Variants in ZNF385D observed in about 807,000 individuals in gnomAD.
ZNF385D encodes zinc finger protein 385D.
ZNF385D carries 15 observed loss-of-function variants against 35.8 expected under a neutral mutation model. The observed-to-expected ratio is 0.42, with a 90% CI of 0.28 to 0.64. The LOEUF (loss-of-function observed/expected upper bound fraction) is 0.64, where lower values mean the gene tolerates loss of function less well. Among genes scored for constraint, ZNF385D ranks in the 30% least tolerant of loss-of-function variants. The pLI is 0.23. For missense variants in ZNF385D, 474 were observed against 494.6 expected, an observed-to-expected ratio of 0.96 and a Z score of 0.39; for synonymous variants, 212 against 186.8, an observed-to-expected ratio of 1.13 and a Z score of -1.10.
intron 3 of ZNF385D, among the ~76,000 whole-genome samples, chr3:22,161,836 T>C (rs570806737): frequency 3.3e-5 from 5 of 152,264 alleles, no homozygotes; most frequent in African/African-American, 7.2e-5. Flanking sequence ...CATAAGAAAA[T>C]ACCCAAATGT....
At chr3:22,115,001 G>A (rs942071131) in intron 3 of ZNF385D, among the ~76,000 whole-genome samples, 4 of 152,058 alleles carry the variant, frequency 2.6e-5, no homozygotes, top group Non-Finnish European at 5.9e-5. Flanking sequence ...AGAACTGCAA[G>A]AAATCAATCT....
rs147543739 is a variant in ZNF385D at position 22,019,832 on chromosome 3, G to A, written c.325+148985C>T. On this transcript the variant is annotated intron_variant, in intron 3 of 5. Coordinates refer to the ZNF385D transcript ENST00000494108. ...GAAAATTATTGAGAACCTTGAGAGA[G>A]TGATAGAGCATTAAACCAAGCACAG... Among the ~76,000 whole-genome samples, 847 of 151,780 alleles carry A rather than the reference G, an allele frequency of 5.6e-3. 8 individuals carry two copies. The highest frequency in any genetic ancestry group is 0.019 in the African/African-American group (776 of 41,470).
chr3:22,165,860 C>A (rs1021373092), intron 3 of ZNF385D, among the ~76,000 whole-genome samples: 31 of 152,322 alleles, frequency 2.0e-4, no homozygotes, highest in African/African-American at 7.5e-4. Flanking sequence ...AGGATTACTA[C>A]AGAATTTTCT....
chr3:22,218,562 CTTA>C (rs1177005118), intron 2 of ZNF385D, among the ~76,000 whole-genome samples: 7 of 152,044 alleles, frequency 4.6e-5, no homozygotes, highest in African/African-American at 1.7e-4. Context: ...TAATTGGCTG[CTTA>C]TTATTTGCTT....
intron 3 of ZNF385D, among the ~76,000 whole-genome samples, chr3:21,923,156 TATATCTCCTA>T: frequency 6.6e-6 from 1 of 152,076 alleles, no homozygotes; most frequent in African/African-American, 2.4e-5. Flanking sequence ...TTACATTAGG[TATATCTCCTA>T]ATGCTATCCC....
At position 21,443,320 on chromosome 3, in the gene ZNF385D, TG is replaced by T. The variant is rs931365230; in HGVS notation, c.440-6118del. The T allele has an allele frequency of 3.8e-5, 37 of 985,360 alleles. No homozygotes were observed. In the Admixed American group the frequency reaches 2.0e-3, roughly 54 times the overall value. 61.0% of individuals were successfully genotyped at this position (985,360 alleles called of 1,614,324 possible). A position where few individuals can be genotyped will look rare whatever the true frequency, so the allele number is the denominator to read the frequency against. On this transcript the variant is annotated intron_variant, in intron 4 of 7. Transcript: ENST00000281523. The stretch of plus-strand genomic sequence containing the variant: ...TTCTCCAGGTCCCAAGGACAATTCC[TG>T]GGGAACAAAGTGTGGAGTTGCTAGG...
intron 3 of ZNF385D, among the ~76,000 whole-genome samples, chr3:22,152,904 A>G (rs1705334818): frequency 6.6e-6 from 1 of 152,128 alleles, no homozygotes; most frequent in Admixed American, 6.6e-5. Flanking sequence ...ACTTACAACC[A>G]GGGACGTGGT....
chr3:21,903,793 G>C (rs531288440), intron 3 of ZNF385D, among the ~76,000 whole-genome samples: 114 of 152,214 alleles, frequency 7.5e-4, no homozygotes, highest in African/African-American at 2.6e-3. Flanking sequence ...TGGCATTCAA[G>C]ACTTTGTGCA....
At chr3:22,328,949 C>T (rs1331763714) in intron 2 of ZNF385D, among the ~76,000 whole-genome samples, 6 of 151,696 alleles carry the variant, frequency 4.0e-5, no homozygotes, top group Admixed American at 3.3e-4. Flanking sequence ...TGGTAGCGGG[C>T]GCCTGTAGTC....
chr3:22,300,122 G>T (rs1352712064), intron 2 of ZNF385D, among the ~76,000 whole-genome samples: 1 of 151,730 alleles, frequency 6.6e-6, no homozygotes, highest in Non-Finnish European at 1.5e-5. Context: ...ATAGACCAAT[G>T]GAATAGAATA....
At chr3:21,876,342 A>G (rs1697969643) in intron 3 of ZNF385D, among the ~76,000 whole-genome samples, 1 of 151,534 alleles carries the variant, frequency 6.6e-6, no homozygotes, top group African/African-American at 2.4e-5. Context: ...CCTGGTCAAA[A>G]CGGTATGGAT....
intron 3 of ZNF385D, among the ~76,000 whole-genome samples, chr3:22,152,670 T>G (rs73145009): frequency 0.024 from 3,594 of 152,258 alleles, 145 homozygotes; most frequent in African/African-American, 0.082. Flanking sequence ...ATAAAATGAC[T>G]CTTGTGATTC....
chr3:22,331,169 A>G lies in ZNF385D; in HGVS notation c.106+41281T>C, dbSNP rs182412976. Among the ~76,000 whole-genome samples, 28 of 152,306 alleles carry G rather than the reference A, an allele frequency of 1.8e-4. No homozygotes were observed. The East Asian group carries it at 5.2e-3, about 28-fold the overall frequency. On this transcript the variant is annotated intron_variant, in intron 2 of 5. Coordinates refer to the ZNF385D transcript ENST00000494108. ...AGGTATTCCTATGACAAATACTTCA[A>G]TTCCTTTATTCTAAACATCAGTAAT...
chr3:21,888,110 A>T (rs1239472466), intron 3 of ZNF385D, among the ~76,000 whole-genome samples: 3 of 152,032 alleles, frequency 2.0e-5, no homozygotes, highest in Non-Finnish European at 2.9e-5. Flanking sequence ...ACATCTCATA[A>T]TTTTTTTAAA....
intron 3 of ZNF385D, among the ~76,000 whole-genome samples, chr3:21,835,097 C>G (rs1695245579): frequency 6.6e-6 from 1 of 151,854 alleles, no homozygotes; most frequent in South Asian, 2.1e-4. Context: ...ACAGTCATGA[C>G]CCTAAATGAA....
At chr3:22,191,205 T>A (rs1165227466) in intron 2 of ZNF385D, among the ~76,000 whole-genome samples, 1 of 151,514 alleles carries the variant, frequency 6.6e-6, no homozygotes, top group Non-Finnish European at 1.5e-5. Flanking sequence ...TAAGACAACT[T>A]TGCAGCCGGG....
intron 3 of ZNF385D, among the ~76,000 whole-genome samples, chr3:22,112,843 G>C (rs530610108): frequency 6.7e-6 from 1 of 148,152 alleles, no homozygotes; most frequent in South Asian, 2.1e-4. Flanking sequence ...TCCTATGGGG[G>C]GGAAAAAAAA....
chr3:22,204,813 G>A (rs749425593), intron 2 of ZNF385D, among the ~76,000 whole-genome samples: 1 of 151,752 alleles, frequency 6.6e-6, no homozygotes, highest in Non-Finnish European at 1.5e-5. Context: ...AAAACTCACA[G>A]TCACAGGAGA....
chr3:21,546,218 C>G (rs2125581355), intron 3 of ZNF385D, among the ~76,000 whole-genome samples: 1 of 152,140 alleles, frequency 6.6e-6, no homozygotes. Context: ...TTCCTGTGAC[C>G]CTACCAGCAA....
Sources: gnomAD v4.1 joint callset for allele counts (sites outside exome capture counted in the v4.1 genomes callset) on GRCh38, gnomAD v4.1.1 for gene constraint, MANE v1.5 for transcripts, NCBI Gene and HGNC (gene_info 2026-07-23, HGNC 2026-07-21) for gene names.